The following WDR7 variants were observed in gnomAD, a reference collection of about 807,000 sequenced individuals.
WDR7 encodes the protein WD repeat-containing protein 7.
WDR7 carries 46 observed loss-of-function variants against 169.4 expected under a neutral mutation model. The observed-to-expected ratio is 0.27, with a 90% CI of 0.21 to 0.35. WDR7 has a LOEUF of 0.35. Among genes scored for constraint, WDR7 ranks in the 10% least tolerant of loss-of-function variants. WDR7 has a pLI of 1.00. For missense variants in WDR7, 1,534 were observed against 1,859.3 expected (o/e 0.83, Z 3.22); for synonymous variants, 612 against 666.8 (o/e 0.92, Z 1.27).
At chr18:56,877,792 T>G (rs1479609438) in intron 20 of WDR7, among the ~76,000 whole-genome samples, 1 of 152,144 alleles carries the variant, frequency 6.6e-6, no homozygotes, top group African/African-American at 2.4e-5. Flanking sequence ...ATATAAAATT[T>G]GATAAGGTCA....
intron 21 of WDR7, among the ~76,000 whole-genome samples, chr18:56,912,531 T>G (rs973187151): frequency 1.3e-5 from 2 of 152,220 alleles, no homozygotes; most frequent in African/African-American, 4.8e-5. Flanking sequence ...TACCATTCTT[T>G]CCTGAATTTG....
chr18:57,008,054 C>T (rs1330634531), intron 26 of WDR7, among the ~76,000 whole-genome samples: 2 of 152,130 alleles, frequency 1.3e-5, no homozygotes, highest in Admixed American at 1.3e-4. Flanking sequence ...TTTCTGTGTG[C>T]TCAGTCCCTC....
chr18:56,933,970 A>T (rs1330224910), intron 22 of WDR7, among the ~76,000 whole-genome samples: 1 of 152,156 alleles, frequency 6.6e-6, no homozygotes, highest in East Asian at 1.9e-4. Flanking sequence ...CTTGTCAGAG[A>T]TGTTGCCTGG....
intron 25 of WDR7, among the ~76,000 whole-genome samples, chr18:56,948,700 G>C (rs1174991480): frequency 1.3e-5 from 2 of 152,154 alleles, no homozygotes; most frequent in Non-Finnish European, 2.9e-5. Context: ...TTTAAAAACA[G>C]GCAAACTGAT....
chr18:56,774,349 C>T (rs1459782689), intron 16 of WDR7, among the ~76,000 whole-genome samples: 1 of 152,004 alleles, frequency 6.6e-6, no homozygotes, highest in African/African-American at 2.4e-5. Flanking sequence ...TGCATATACA[C>T]GTTGTCACAC....
chr18:56,865,486 T>C (rs2045869804), intron 20 of WDR7, among the ~76,000 whole-genome samples: 1 of 152,180 alleles, frequency 6.6e-6, no homozygotes, highest in Admixed American at 6.5e-5. Flanking sequence ...ATTATGAATT[T>C]ATTTGCAGTA....
intron 20 of WDR7, among the ~76,000 whole-genome samples, chr18:56,825,250 G>A (rs1335203694): frequency 6.6e-6 from 1 of 152,080 alleles, no homozygotes; most frequent in Admixed American, 6.6e-5. Flanking sequence ...TTTATTTTTT[G>A]TGTGTGCATG....
chr18:56,708,725 A>G (rs2144699703), intron 12 of WDR7, among the ~76,000 whole-genome samples: 1 of 152,290 alleles, frequency 6.6e-6, no homozygotes, highest in East Asian at 1.9e-4. Context: ...ACCTGAGGTC[A>G]GGAGTTTGAG....
intron 16 of WDR7, among the ~76,000 whole-genome samples, chr18:56,769,424 C>G (rs2044118709): frequency 6.6e-6 from 1 of 152,244 alleles, no homozygotes; most frequent in Non-Finnish European, 1.5e-5. Flanking sequence ...GTTTCGAACT[C>G]CTGGGCTCAA....
intron 21 of WDR7, among the ~76,000 whole-genome samples, chr18:56,909,220 A>T (rs748988446): frequency 3.5e-5 from 4 of 114,526 alleles, no homozygotes; most frequent in Non-Finnish European, 8.0e-5. Context: ...CCTACCATCC[A>T]TAGATTTTTA....
At chr18:56,836,922 A>C (rs2045405764) in intron 20 of WDR7, among the ~76,000 whole-genome samples, 1 of 152,214 alleles carries the variant, frequency 6.6e-6, no homozygotes, top group African/African-American at 2.4e-5. Flanking sequence ...AGTTTAACAA[A>C]AATCACTCAT....
intron 16 of WDR7, among the ~76,000 whole-genome samples, chr18:56,761,124 C>T (rs1043625786): frequency 1.5e-4 from 23 of 151,962 alleles, no homozygotes; most frequent in African/African-American, 5.6e-4. Flanking sequence ...ATCCTCCCAC[C>T]TCTGCCTCCC....
At chr18:56,706,743 A>G (rs2430909) in intron 12 of WDR7, among the ~76,000 whole-genome samples, 137,972 of 150,686 alleles carry the variant, frequency 0.92, 64,360 homozygotes, top group East Asian at 1. Flanking sequence ...GCTGGAGTGC[A>G]GTGGTGCCAT....
intron 20 of WDR7, among the ~76,000 whole-genome samples, chr18:56,831,484 G>A (rs964021548): frequency 1.6e-4 from 25 of 152,214 alleles, no homozygotes; most frequent in African/African-American, 3.4e-4. Flanking sequence ...GCAGGGGCCC[G>A]AACAAAGGTA....
chr18:56,758,731 G>A (rs1369603100), intron 15 of WDR7, 134 bp from the exon 16 acceptor site: 6 of 589,918 alleles, frequency 1.0e-5, no homozygotes, highest in Non-Finnish European at 1.6e-5. Flanking sequence ...AATCTTTCTG[G>A]AATGGTAAAT....
chr18:56,749,457 A>G (rs1468158354), intron 14 of WDR7, among the ~76,000 whole-genome samples: 1 of 151,014 alleles, frequency 6.6e-6, no homozygotes. Flanking sequence ...AGTATCCTTA[A>G]TCTCTGCTTT....
At chr18:56,778,784 T>C (rs918451970) in intron 17 of WDR7, among the ~76,000 whole-genome samples, 2 of 152,222 alleles carry the variant, frequency 1.3e-5, no homozygotes, top group African/African-American at 4.8e-5. Flanking sequence ...ATGTTTAAGA[T>C]TTTGTAAATT....
intron 12 of WDR7, among the ~76,000 whole-genome samples, chr18:56,710,886 C>A (rs1441637351): frequency 6.6e-6 from 1 of 152,156 alleles, no homozygotes; most frequent in Non-Finnish European, 1.5e-5. Context: ...TATCAACCCC[C>A]AAAATGTTAA....
chr18:56,705,038 G>A (rs190298074), intron 12 of WDR7, among the ~76,000 whole-genome samples: 8 of 151,992 alleles, frequency 5.3e-5, no homozygotes, highest in African/African-American at 1.9e-4. Flanking sequence ...TTGCTATGTT[G>A]CCCAGGCTGG....
Sources: allele counts gnomAD v4.1 joint callset (sites outside exome capture counted in the v4.1 genomes callset), GRCh38; gene constraint gnomAD v4.1.1; transcripts MANE v1.5; gene names NCBI Gene and HGNC (gene_info 2026-07-23, HGNC 2026-07-21).